JADE3: variants seen among roughly 807,000 people sequenced by gnomAD.
The protein encoded by JADE3 is jade family PHD finger 3, also known as protein Jade-3.
JADE3 carries 2 observed loss-of-function variants against 50.1 expected under a neutral mutation model. The observed-to-expected ratio is 0.04, with a 90% CI of 0.02 to 0.13. The LOEUF (loss-of-function observed/expected upper bound fraction) is 0.13, where lower values mean the gene tolerates loss of function less well. JADE3 is among the 10% of genes least tolerant of loss of function. JADE3 has a pLI of 1.00. For missense variants in JADE3, 475 were observed against 634.4 expected, an observed-to-expected ratio of 0.75 and a Z score of 2.70; for synonymous variants, 218 against 232.9, an observed-to-expected ratio of 0.94 and a Z score of 0.58.
chrX:46,936,533 G>A (rs1457714344), intron 1 of JADE3, among the ~76,000 whole-genome samples: 4 of 111,492 alleles, frequency 3.6e-5, no homozygotes, highest in Non-Finnish European at 5.6e-5. Flanking sequence ...TATTCTGGAA[G>A]AGATCTTGTA....
rs1929764779 is a variant in JADE3 at position 47,060,927 on chromosome X, T to C, written c.*1850T>C. 1 of 112,136 alleles carries C rather than the reference T, an allele frequency of 8.9e-6. No individual in the cohort carries two copies. The highest frequency in any genetic ancestry group is 3.7e-4 in the South Asian group (1 of 2,675). 9.2% of individuals were successfully genotyped at this position (112,136 alleles called of 1,213,427 possible). ...TTCTGAGTGGGAGGAAAAGCAAACA[T>C]CAAAACAGTGCTTCAGCCAAATTCC... On this transcript the variant is annotated 3_prime_UTR_variant, in exon 11 of 11. Coordinates refer to ENST00000614628, the MANE Select transcript of JADE3 (RefSeq NM_014735.5).
intron 1 of JADE3, among the ~76,000 whole-genome samples, chrX:46,915,813 G>A (rs1926071227): frequency 9.0e-6 from 1 of 111,063 alleles, no homozygotes; most frequent in Non-Finnish European, 1.9e-5. Flanking sequence ...CTAGGCTTGT[G>A]AAAAGGAAGG....
chrX:47,058,949 G>A lies in JADE3; in HGVS notation c.2344G>A (p.Gly782Arg). ...GAGTGATTCAGAGGCAGAAAGTGAT[G>A]GGAATAAAGAAAAAGTCAGGGTAAG... is the stretch of plus-strand genomic sequence containing the variant. ...ELSDSEAESD[G>R]NKEKVRVRKD... The change falls in exon 11 of 11, where the codon GGG becomes AGG. Residue 782 changes from glycine (G) to arginine (R), a missense_variant. By Grantham distance (125) the Gly-to-Arg change is moderately radical (BLOSUM62 -2). Transcript: ENST00000614628. 1 of 1,210,918 alleles carries A rather than the reference G, an allele frequency of 8.3e-7. No individual in the cohort carries two copies. Among genetic ancestry groups the A allele is most frequent in the Admixed American group, 2.2e-5 (1 of 45,962 alleles).
chrX:46,918,320 A>T (rs1489252252), intron 1 of JADE3, among the ~76,000 whole-genome samples: 1 of 112,303 alleles, frequency 8.9e-6, no homozygotes, highest in East Asian at 2.8e-4. Flanking sequence ...ATATATCATG[A>T]TAAAGATACT....
chrX:47,037,109 T>TAAA (rs71704592), intron 7 of JADE3, among the ~76,000 whole-genome samples: 3 of 83,188 alleles, frequency 3.6e-5, no homozygotes, highest in African/African-American at 1.2e-4. Flanking sequence ...TAAAGTATAA[T>TAAA]AAAAAAAAAA....
chrX:47,041,666 G>A (rs1272058058), intron 8 of JADE3, among the ~76,000 whole-genome samples: 1 of 109,842 alleles, frequency 9.1e-6, no homozygotes, highest in Non-Finnish European at 1.9e-5. Flanking sequence ...GGGATTACAG[G>A]CATGAGCACT....
chrX:47,052,048 C>T (rs782497743), intron 8 of JADE3, among the ~76,000 whole-genome samples: 1 of 111,059 alleles, frequency 9.0e-6, no homozygotes, highest in East Asian at 2.8e-4. Context: ...GAGCCAAAAT[C>T]GCGCCACTGC....
At chrX:46,934,542 C>G (rs1926570654) in intron 1 of JADE3, among the ~76,000 whole-genome samples, 1 of 111,155 alleles carries the variant, frequency 9.0e-6, no homozygotes, top group Non-Finnish European at 1.9e-5. Flanking sequence ...TCGTGATCTG[C>G]CCGCCTCGGC....
At chrX:46,978,862 C>T (rs1927680510) in intron 1 of JADE3, among the ~76,000 whole-genome samples, 1 of 111,968 alleles carries the variant, frequency 8.9e-6, no homozygotes, top group African/African-American at 3.2e-5. Flanking sequence ...AAAATGGCTG[C>T]TGCTGCTATG....
chrX:47,058,970 G>A lies in JADE3; in HGVS notation c.2365G>A (p.Val789Ile). 1 of 1,210,494 alleles carries A rather than the reference G, an allele frequency of 8.3e-7. No homozygotes were observed. The highest frequency in any genetic ancestry group is 1.7e-5 in the African/African-American group (1 of 57,723). ...ESDGNKEKVR[V>I]RKDSSDRENP... ...TGATGGGAATAAAGAAAAAGTCAGGGTAAGGAAAGATAGCTCAGACAGGGA... is the reference window on the plus strand; with the variant it reads ...TGATGGGAATAAAGAAAAAGTCAGGATAAGGAAAGATAGCTCAGACAGGGA... The change falls in exon 11 of 11, where the codon GTA becomes ATA. Residue 789 changes from valine to isoleucine, a missense_variant. Transcript: ENST00000614628.
rs184757237 is a variant in JADE3, at chrX:47,006,689, G to A, written c.284+8412G>A. 5.8e-3 allele frequency among the ~76,000 whole-genome samples: 635 copies of A among 108,760 alleles called. 6 individuals carry two copies. Among genetic ancestry groups the A allele is most frequent in the Non-Finnish European group, 9.8e-3 (516 of 52,454 alleles). The allele number at this position is 108,760 out of a possible 115,157, so 94.4% of individuals were successfully genotyped here. ...TTTGGGTTTATTTTGCTTTTTTCTCGTTTCTAGTGTTGAGAACTTAATTTA... is the reference window on the plus strand; with the variant it reads ...TTTGGGTTTATTTTGCTTTTTTCTCATTTCTAGTGTTGAGAACTTAATTTA... On this transcript the variant is annotated intron_variant, in intron 4 of 10. Transcript: ENST00000614628.
intron 4 of JADE3, among the ~76,000 whole-genome samples, chrX:47,011,621 A>G (rs911433253): frequency 2.7e-5 from 3 of 111,987 alleles, no homozygotes; most frequent in South Asian, 3.7e-4. Context: ...ACTATTTTTT[A>G]TAGCATCTGC....
At chrX:46,960,804 C>A (rs868936034) in intron 1 of JADE3, among the ~76,000 whole-genome samples, 3 of 111,636 alleles carry the variant, frequency 2.7e-5, no homozygotes, top group Non-Finnish European at 3.8e-5. Flanking sequence ...CTTGCAAAAA[C>A]CATTATTTGT....
chrX:46,994,289 A>G (rs782796558), intron 3 of JADE3, among the ~76,000 whole-genome samples: 1 of 112,045 alleles, frequency 8.9e-6, no homozygotes, highest in African/African-American at 3.2e-5. Flanking sequence ...TTCTGCAAGC[A>G]TCTGACAGGC....
At position 46,929,549 on chromosome X, in the gene JADE3, G is replaced by A. The variant is rs1157762399; in HGVS notation, c.-12+16830G>A. ...CGACTCAACTTCCTTCTGGACTGCT[G>A]TCCATAAAGATGCAGACTCAAAAGG... On this transcript the variant is annotated intron_variant, in intron 1 of 10. Transcript: ENST00000614628. Among the ~76,000 whole-genome samples, 4 of 111,311 alleles carry A rather than the reference G, an allele frequency of 3.6e-5. No individual in the cohort carries two copies. The South Asian group carries it at 1.5e-3, about 43-fold the overall frequency.
At position 46,985,529 on chromosome X, in the gene JADE3, A is replaced by G. The variant is rs782044184; in HGVS notation, c.47-184A>G. ...TTTGCACTGTAGGAGATCATCTATA[A>G]ATGTCACTAAACTCCATTATGAGGC... On this transcript the variant is annotated intron_variant, in intron 2 of 10. Coordinates refer to ENST00000614628, the MANE Select transcript of JADE3 (RefSeq NM_014735.5). 7.1e-5 allele frequency among the ~76,000 whole-genome samples: 8 copies of G among 111,947 alleles called. No homozygotes were observed. In the East Asian group the frequency reaches 2.2e-3, roughly 31 times the overall value.
chrX:46,923,059 C>G (rs1455275936), intron 1 of JADE3, among the ~76,000 whole-genome samples: 1 of 111,016 alleles, frequency 9.0e-6, no homozygotes, highest in Non-Finnish European at 1.9e-5. Context: ...GTTACCCAGG[C>G]TGGAGTGCAG....
intron 4 of JADE3, among the ~76,000 whole-genome samples, chrX:47,018,238 T>C: frequency 9.0e-6 from 1 of 111,106 alleles, no homozygotes; most frequent in Non-Finnish European, 1.9e-5. Flanking sequence ...ACCTCCTTCT[T>C]CCCACACCTC....
chrX:46,983,554 C>T (rs1556353570), intron 1 of JADE3, among the ~76,000 whole-genome samples: 1 of 111,089 alleles, frequency 9.0e-6, no homozygotes, highest in African/African-American at 3.3e-5. Flanking sequence ...ATAAGAGATG[C>T]CGACATCCTG....
Sources: gnomAD v4.1 joint callset for allele counts (sites outside exome capture counted in the v4.1 genomes callset) on GRCh38, gnomAD v4.1.1 for gene constraint, MANE v1.5 for transcripts, NCBI Gene and HGNC (gene_info 2026-07-23, HGNC 2026-07-21) for gene names.